Variants in MAGI2 observed in about 807,000 individuals in gnomAD.
The protein encoded by MAGI2 is membrane associated guanylate kinase, WW and PDZ domain containing 2.
A neutral mutation model predicts 133.3 loss-of-function variants in MAGI2; 35 were observed. The ratio of observed to expected loss-of-function variants is 0.26; its 90% CI spans 0.20 to 0.35. The LOEUF (loss-of-function observed/expected upper bound fraction) is 0.35, where lower values mean the gene tolerates loss of function less well. MAGI2 is among the 10% of genes least tolerant of loss of function. The pLI is 1.00. For missense variants in MAGI2, 1,636 were observed against 1,863.4 expected (o/e 0.88, Z 2.25); for synonymous variants, 729 against 710.6 (o/e 1.03, Z -0.41).
chr7:78,515,010 G>T (rs941155106), intron 4 of MAGI2, among the ~76,000 whole-genome samples: 7 of 152,166 alleles, frequency 4.6e-5, no homozygotes, highest in African/African-American at 1.4e-4. Flanking sequence ...GTGTGTGTGT[G>T]TGTCTGTATT....
chr7:78,659,535 C>T (rs755343620), intron 2 of MAGI2, among the ~76,000 whole-genome samples: 7 of 151,400 alleles, frequency 4.6e-5, no homozygotes, highest in Non-Finnish European at 1.0e-4. Flanking sequence ...AAACTGAACC[C>T]CAAAAGCTTG....
chr7:78,218,810 G>A (rs149565376), intron 10 of MAGI2, among the ~76,000 whole-genome samples: 218 of 152,296 alleles, frequency 1.4e-3, no homozygotes, highest in Non-Finnish European at 1.7e-3. Flanking sequence ...TTCACACAGC[G>A]TCAGTGGGGA....
intron 6 of MAGI2, among the ~76,000 whole-genome samples, chr7:78,420,757 T>C (rs1041011060): frequency 6.6e-6 from 1 of 152,194 alleles, no homozygotes; most frequent in Non-Finnish European, 1.5e-5. Flanking sequence ...GCCCATATCC[T>C]GGCCATATCA....
chr7:78,887,231 C>A (rs548456668), intron 2 of MAGI2, among the ~76,000 whole-genome samples: 2 of 152,230 alleles, frequency 1.3e-5, no homozygotes, highest in Non-Finnish European at 2.9e-5. Context: ...TGTCATCTAA[C>A]TCCAAATAAA....
intron 7 of MAGI2, among the ~76,000 whole-genome samples, chr7:78,357,062 T>C (rs1184880730): frequency 2.0e-5 from 3 of 152,190 alleles, no homozygotes; most frequent in African/African-American, 7.2e-5. Context: ...ATATAGAAAA[T>C]GTTTAAAGAT....
intron 10 of MAGI2, among the ~76,000 whole-genome samples, chr7:78,242,521 T>G (rs776158695): frequency 6.6e-6 from 1 of 152,232 alleles, no homozygotes; most frequent in African/African-American, 2.4e-5. Context: ...CTTAGTTTGC[T>G]CTGTCATATA....
chr7:78,430,093 C>A (rs886226088), intron 6 of MAGI2, among the ~76,000 whole-genome samples: 4 of 152,102 alleles, frequency 2.6e-5, no homozygotes, highest in African/African-American at 9.7e-5. Flanking sequence ...AATGCAAATG[C>A]AGATTCCAAT....
intron 2 of MAGI2, among the ~76,000 whole-genome samples, chr7:78,704,885 A>G (rs1362928109): frequency 6.6e-6 from 1 of 150,962 alleles, no homozygotes; most frequent in African/African-American, 2.4e-5. Flanking sequence ...CATTATTCTA[A>G]GTGAACAAAT....
At chr7:79,017,218 AG>A (rs1366031304) in intron 1 of MAGI2, among the ~76,000 whole-genome samples, 1 of 152,188 alleles carries the variant, frequency 6.6e-6, no homozygotes, top group Non-Finnish European at 1.5e-5. Flanking sequence ...GAAACAATTC[AG>A]GCCCCTCCAG....
intron 14 of MAGI2, among the ~76,000 whole-genome samples, chr7:78,169,201 G>T (rs568454903): frequency 6.6e-6 from 1 of 152,328 alleles, no homozygotes; most frequent in African/African-American, 2.4e-5. Context: ...TCAGAGGAAA[G>T]AAAATAGTAT....
chr7:79,280,363 T>C (rs1490603087), intron 1 of MAGI2, among the ~76,000 whole-genome samples: 1 of 151,912 alleles, frequency 6.6e-6, no homozygotes, highest in East Asian at 1.9e-4. Context: ...AACCAGGTGG[T>C]AGGGTTGATA....
At chr7:78,671,269 G>C (rs1020474404) in intron 2 of MAGI2, among the ~76,000 whole-genome samples, 2 of 127,374 alleles carry the variant, frequency 1.6e-5, no homozygotes, top group Non-Finnish European at 3.2e-5. Context: ...ATTTAATTGT[G>C]TCTCTCTCTC....
chr7:78,580,844 T>C (rs1253554993), intron 3 of MAGI2, among the ~76,000 whole-genome samples: 2 of 152,202 alleles, frequency 1.3e-5, no homozygotes, highest in Non-Finnish European at 2.9e-5. Flanking sequence ...AAACATAAAG[T>C]TCTGTCTGTC....
intron 9 of MAGI2, among the ~76,000 whole-genome samples, chr7:78,277,072 ATGAG>A (rs1300377911): frequency 1.4e-4 from 22 of 152,298 alleles, no homozygotes; most frequent in Admixed American, 1.3e-3. Context: ...TCTAATCAGC[ATGAG>A]TGAGTCAACT....
At chr7:78,021,339 T>G (rs1357817882) in intron 21 of MAGI2, among the ~76,000 whole-genome samples, 1 of 152,210 alleles carries the variant, frequency 6.6e-6, no homozygotes, top group Admixed American at 6.5e-5. Context: ...CATTGATAGA[T>G]TTGAATTCTG....
chr7:78,112,897 G>T (rs1282258276), intron 20 of MAGI2, among the ~76,000 whole-genome samples: 1 of 152,218 alleles, frequency 6.6e-6, no homozygotes, highest in Non-Finnish European at 1.5e-5. Context: ...GCCAATGACA[G>T]GTGGATGAGA....
At chr7:78,069,084 G>A (rs1027158919) in intron 21 of MAGI2, among the ~76,000 whole-genome samples, 3 of 152,162 alleles carry the variant, frequency 2.0e-5, no homozygotes, top group Admixed American at 2.0e-4. Context: ...TATGGAAAAT[G>A]GGAAGACAAT....
At chr7:79,083,122 T>C (rs1253922723) in intron 1 of MAGI2, among the ~76,000 whole-genome samples, 2 of 151,522 alleles carry the variant, frequency 1.3e-5, no homozygotes, top group East Asian at 3.9e-4. Flanking sequence ...ATGTAATCTG[T>C]TAATAGAGAG....
At chr7:78,823,711 G>T (rs534673923) in intron 2 of MAGI2, among the ~76,000 whole-genome samples, 1 of 152,194 alleles carries the variant, frequency 6.6e-6, no homozygotes, top group African/African-American at 2.4e-5. Flanking sequence ...GAGCTGTCAG[G>T]TATCAAGAGA....
Sources: allele counts gnomAD v4.1 joint callset (sites outside exome capture counted in the v4.1 genomes callset), GRCh38; gene constraint gnomAD v4.1.1; transcripts MANE v1.5; gene names NCBI Gene and HGNC (gene_info 2026-07-23, HGNC 2026-07-21).